GALNT9: variants seen among roughly 807,000 people sequenced by gnomAD.
GALNT9 encodes the protein GalNAc transferase 9.
In GALNT9, 47 loss-of-function variants were observed where a neutral mutation model predicts 63.1. That is an observed-to-expected ratio of 0.75 (90% CI 0.59 to 0.95). The LOEUF (loss-of-function observed/expected upper bound fraction) is 0.95. Ranked by LOEUF, GALNT9 falls within the 40% of genes least tolerant of loss-of-function variation. The pLI, the probability that GALNT9 is intolerant of heterozygous loss-of-function variation, is 0.00. For synonymous variants in GALNT9, 396 were observed against 365.7 expected, an observed-to-expected ratio of 1.08 and a Z score of -0.94; for missense variants, 829 against 874.8, an observed-to-expected ratio of 0.95 and a Z score of 0.66.
At chr12:132,257,340 C>G (rs1332161342) in intron 5 of GALNT9, among the ~76,000 whole-genome samples, 1 of 152,124 alleles carries the variant, frequency 6.6e-6, no homozygotes, top group African/African-American at 2.4e-5. Flanking sequence ...GTTTTTATGG[C>G]AAAGCCCAGG....
chr12:132,320,180 C>G (rs1868714241), intron 1 of GALNT9, among the ~76,000 whole-genome samples: 1 of 152,050 alleles, frequency 6.6e-6, no homozygotes, highest in South Asian at 2.1e-4. Flanking sequence ...CAGGAGCCTC[C>G]CCACAGCACA....
chr12:132,198,063 C>A, intron 9 of GALNT9, 104 bp from the exon 10 acceptor site: 1 of 974,272 alleles, frequency 1.0e-6, no homozygotes, highest in Non-Finnish European at 1.5e-6. Flanking sequence ...CGGGGCCCTG[C>A]GCGGCTGCCT....
chr12:132,310,450 G>A lies in GALNT9; in HGVS notation c.238+18516C>T, dbSNP rs940846343. Among the ~76,000 whole-genome samples, 10 of 152,186 alleles carry A rather than the reference G, an allele frequency of 6.6e-5. No homozygotes were observed. Among genetic ancestry groups the A allele is most frequent in the East Asian group, 1.9e-4 (1 of 5,188 alleles). On this transcript the variant is annotated intron_variant, in intron 1 of 10. Coordinates refer to ENST00000328957, the MANE Select transcript of GALNT9 (RefSeq NM_001122636.2). The surrounding 1 kb of genome is among the most constrained non-coding windows in gnomAD (Gnocchi z 4.8). ...CAACAGCCCCACCCAGAAGGACGGG[G>A]CCGGCCATCTCCTGGAGGCTGAGAG...
At chr12:132,230,239 C>G (rs1308055915) in intron 6 of GALNT9, among the ~76,000 whole-genome samples, 5 of 152,234 alleles carry the variant, frequency 3.3e-5, no homozygotes, top group African/African-American at 1.2e-4. Context: ...GTGCCCCTTG[C>G]TGGACGTCCT....
At position 132,252,876 on chromosome 12, in the gene GALNT9, T is replaced by G. The variant is rs1475489957; in HGVS notation, c.959+4813A>C. ...CCAGCCTGGGCAACAACAGCGAAAC[T>G]GCCTCAAAAAAAAAAAAAGACACGG... On this transcript the variant is annotated intron_variant, in intron 5 of 10. Transcript: ENST00000328957. This position sits in a 1 kb window ranked among gnomAD's most constrained non-coding sequence, Gnocchi z 5.2. Among the ~76,000 whole-genome samples, 1 of 147,712 alleles carries G rather than the reference T, an allele frequency of 6.8e-6. No individual in the cohort carries two copies. The highest frequency in any genetic ancestry group is 2.0e-4 in the East Asian group (1 of 5,014).
At position 132,267,886 on chromosome 12, in the gene GALNT9, C is replaced by T. The variant is rs557696125; in HGVS notation, c.420-5261G>A. On this transcript the variant is annotated intron_variant, in intron 2 of 10. Coordinates refer to ENST00000328957, the MANE Select transcript of GALNT9 (RefSeq NM_001122636.2). ...CACACGCATACAACCCACATGCACTCACACGCACACACGCACACAAATCCA... is the reference window on the plus strand; with the variant it reads ...CACACGCATACAACCCACATGCACTTACACGCACACACGCACACAAATCCA... Among the ~76,000 whole-genome samples, 3 of 119,486 alleles carry T rather than the reference C, an allele frequency of 2.5e-5. No individual in the cohort carries two copies. In the East Asian group the frequency reaches 6.8e-4, roughly 27 times the overall value. 78.4% of individuals were successfully genotyped at this position (119,486 alleles called of 152,430 possible). A position where few individuals can be genotyped will look rare whatever the true frequency, so the allele number is the denominator to read the frequency against.
rs2136895093 is a variant in GALNT9 at position 132,236,974 on chromosome 12, C to A, written c.1077+10936G>T. 4.3e-4 allele frequency among the ~76,000 whole-genome samples: 65 copies of A among 152,302 alleles called. 1 individual carries two copies. Among genetic ancestry groups the A allele is most frequent in the African/African-American group, 1.4e-3 (60 of 41,546 alleles). ...TTCTTATCCTCATCCAATCTGGTAA[C>A]CCTCGTATCCTGGATCTCTCCGGGT... On this transcript the variant is annotated intron_variant, in intron 6 of 10. Coordinates refer to ENST00000328957, the MANE Select transcript of GALNT9 (RefSeq NM_001122636.2). The surrounding 1 kb of genome is among the most constrained non-coding windows in gnomAD (Gnocchi z 5.6).
intron 1 of GALNT9, among the ~76,000 whole-genome samples, chr12:132,317,177 C>A (rs1868553968): frequency 6.7e-6 from 1 of 149,918 alleles, no homozygotes; most frequent in Non-Finnish European, 1.5e-5. Context: ...ATCCTACACC[C>A]CACAGAGCAC....
rs567281036 is a variant in GALNT9 at position 132,320,785 on chromosome 12, C to T, written c.238+8181G>A. Among the ~76,000 whole-genome samples, 167 of 152,342 alleles carry T rather than the reference C, an allele frequency of 1.1e-3. 1 individual carries two copies. Among genetic ancestry groups the T allele is most frequent in the African/African-American group, 3.8e-3 (157 of 41,576 alleles). ...CATCAGCCCACCCTCATCTCAGAGG[C>T]GAGGGGAGGTGGGCGGCGCCAGCGG... On this transcript the variant is annotated intron_variant, in intron 1 of 10. Coordinates refer to ENST00000328957, the MANE Select transcript of GALNT9 (RefSeq NM_001122636.2).
intron 9 of GALNT9, among the ~76,000 whole-genome samples, chr12:132,198,947 G>A (rs773462246): frequency 7.9e-5 from 12 of 152,104 alleles, no homozygotes; most frequent in Admixed American, 3.3e-4. Flanking sequence ...CACTGCACCC[G>A]GCCCAGGCTG....
chr12:132,237,168 T>C (rs1201299413), intron 6 of GALNT9, among the ~76,000 whole-genome samples: 1 of 152,100 alleles, frequency 6.6e-6, no homozygotes, highest in African/African-American at 2.4e-5. Context: ...TGGTTGGCTG[T>C]GTCCTGACCT....
chr12:132,213,020 A>G (rs1456578811), intron 6 of GALNT9, among the ~76,000 whole-genome samples: 14 of 111,010 alleles, frequency 1.3e-4, no homozygotes, highest in South Asian at 3.3e-4. Context: ...ACCCCACCCG[A>G]GTCTACAGCC....
chr12:132,329,003 C>G lies in GALNT9; in HGVS notation c.201G>C (p.Leu67=). 1 of 1,542,152 alleles carries G rather than the reference C, an allele frequency of 6.5e-7. No individual in the cohort carries two copies. The highest frequency in any genetic ancestry group is 8.7e-7 in the Non-Finnish European group (1 of 1,145,082). ...LGDREAILQR[L]DHLEEVVYNQ... Reference sequence around the variant, plus strand: ...TGTAGACCACCTCCTCCAGGTGGTCCAGGCGCTGCAGGATGGCCTCACGGT... The same window carrying G: ...TGTAGACCACCTCCTCCAGGTGGTCGAGGCGCTGCAGGATGGCCTCACGGT... Residue 67 remains leucine (L), a synonymous_variant, in exon 1 of 11, where the codon CTG becomes CTC. Coordinates refer to ENST00000328957, the MANE Select transcript of GALNT9 (RefSeq NM_001122636.2).
intron 1 of GALNT9, among the ~76,000 whole-genome samples, chr12:132,302,629 C>T (rs555262726): frequency 1.3e-5 from 2 of 152,352 alleles, no homozygotes; most frequent in South Asian, 2.1e-4. Flanking sequence ...AGAGCTCATG[C>T]CCCATCATGC....
At chr12:132,262,818 C>G (rs781785195) in intron 2 of GALNT9, among the ~76,000 whole-genome samples, 193 bp from the exon 3 acceptor site, 2 of 152,144 alleles carry the variant, frequency 1.3e-5, no homozygotes, top group Non-Finnish European at 2.9e-5. Flanking sequence ...CAGGGCGCAG[C>G]ATGAGGGACC....
At chr12:132,259,468 G>A (rs1879281397) in intron 4 of GALNT9, among the ~76,000 whole-genome samples, 1 of 152,214 alleles carries the variant, frequency 6.6e-6, no homozygotes, top group Non-Finnish European at 1.5e-5. Context: ...GGAAAGGAAA[G>A]CGCCCTGCGG....
intron 9 of GALNT9, among the ~76,000 whole-genome samples, chr12:132,198,939 C>G (rs1037221257): frequency 1.3e-5 from 2 of 152,142 alleles, no homozygotes; most frequent in Non-Finnish European, 2.9e-5. Context: ...GCGTGAGCCA[C>G]TGCACCCGGC....
chr12:132,286,260 G>A lies in GALNT9; in HGVS notation c.409C>T (p.Arg137Trp), dbSNP rs376073352. The A allele has an allele frequency of 1.0e-5, 16 of 1,550,300 alleles. No homozygotes were observed. Among genetic ancestry groups the A allele is most frequent in the Non-Finnish European group, 1.3e-5 (15 of 1,146,280 alleles). ...ISLDRSIPDY[R>W]PRKCRQMSYA... ...CAGTCACTCACTCACTTTCTGGGCC[G>A]GTAGTCGGGGATGCTCCGATCGAGG... is the stretch of plus-strand genomic sequence containing the variant. Residue 137 changes from arginine (R) to tryptophan (W), a missense_variant, in exon 2 of 11, where the codon CGG becomes TGG. Arg to Trp is a moderately radical substitution (Grantham distance 101, BLOSUM62 -3). Coordinates refer to ENST00000328957, the MANE Select transcript of GALNT9 (RefSeq NM_001122636.2). This position sits in a 1 kb window ranked among gnomAD's most constrained non-coding sequence, Gnocchi z 7.4.
intron 5 of GALNT9, among the ~76,000 whole-genome samples, chr12:132,253,881 T>A (rs1393721183): frequency 1.3e-5 from 2 of 152,210 alleles, no homozygotes; most frequent in Non-Finnish European, 2.9e-5. Context: ...GAAGCCTGGG[T>A]GGCAGCTGCT....
Sources: gnomAD v4.1 joint callset for allele counts (sites outside exome capture counted in the v4.1 genomes callset) on GRCh38, gnomAD v4.1.1 for gene constraint, Gnocchi (gnomAD v3.1) non-coding constraint, MANE v1.5 for transcripts, NCBI Gene and HGNC (gene_info 2026-07-23, HGNC 2026-07-21) for gene names.